AGBL4: variants seen among roughly 807,000 people sequenced by gnomAD.
AGBL4 encodes AGBL carboxypeptidase 4.
AGBL4 carries 58 observed loss-of-function variants against 66.4 expected under a neutral mutation model. That is an observed-to-expected ratio of 0.87 (90% CI 0.71 to 1.09). AGBL4 has a LOEUF of 1.09. AGBL4 is among the 50% of genes least tolerant of loss of function. The pLI, the probability that AGBL4 is intolerant of heterozygous loss-of-function variation, is 0.00. For missense variants in AGBL4, 579 were observed against 631.0 expected, an observed-to-expected ratio of 0.92 and a Z score of 0.88; for synonymous variants, 234 against 222.9, an observed-to-expected ratio of 1.05 and a Z score of -0.44.
chr1:49,564,462 C>G (rs1370345488), intron 3 of AGBL4, among the ~76,000 whole-genome samples: 2 of 152,142 alleles, frequency 1.3e-5, no homozygotes, highest in African/African-American at 4.8e-5. Context: ...AAATTTCCCT[C>G]TACACACTGC....
chr1:49,446,896 C>T (rs1646169934), intron 3 of AGBL4, among the ~76,000 whole-genome samples: 1 of 152,226 alleles, frequency 6.6e-6, no homozygotes, highest in African/African-American at 2.4e-5. Flanking sequence ...GCATGCTGCT[C>T]TCAGGCTCTC....
At chr1:49,530,008 A>T (rs1420782314) in intron 3 of AGBL4, among the ~76,000 whole-genome samples, 1 of 151,900 alleles carries the variant, frequency 6.6e-6, no homozygotes, top group Non-Finnish European at 1.5e-5. Context: ...CTTGTGTCAC[A>T]ATACTTGGCA....
chr1:49,125,000 T>C (rs540439990), intron 4 of AGBL4, among the ~76,000 whole-genome samples: 3 of 152,176 alleles, frequency 2.0e-5, no homozygotes, highest in Non-Finnish European at 4.4e-5. Flanking sequence ...TCTCAGTCAG[T>C]TGGTGACTTT....
At chr1:49,847,195 T>C (rs918763459) in intron 2 of AGBL4, among the ~76,000 whole-genome samples, 65 of 152,294 alleles carry the variant, frequency 4.3e-4, no homozygotes, top group African/African-American at 1.5e-3. Context: ...ACTGGTAATA[T>C]TGGATTGCCA....
intron 4 of AGBL4, among the ~76,000 whole-genome samples, chr1:49,107,333 G>A (rs542352731): frequency 1.3e-5 from 2 of 152,232 alleles, no homozygotes; most frequent in Admixed American, 6.5e-5. Flanking sequence ...AAGTTATAAT[G>A]TTTGGTAGGT....
intron 4 of AGBL4, among the ~76,000 whole-genome samples, chr1:49,199,903 C>T (rs1197256461): frequency 6.6e-6 from 1 of 152,150 alleles, no homozygotes; most frequent in Non-Finnish European, 1.5e-5. Flanking sequence ...TATTCCCTTG[C>T]TCCTCCTCAG....
chr1:49,772,064 C>G lies in AGBL4; in HGVS notation c.158-74627G>C, dbSNP rs771165752. ...AGATCCCTTCTTCCTTTCTTCCTCTCTAGTTATTTACTTTTGTGGTTTTGT... is the reference window on the plus strand; with the variant it reads ...AGATCCCTTCTTCCTTTCTTCCTCTGTAGTTATTTACTTTTGTGGTTTTGT... On this transcript the variant is annotated intron_variant, in intron 2 of 13. Transcript: ENST00000371839. Among the ~76,000 whole-genome samples, 72 of 152,134 alleles carry G rather than the reference C, an allele frequency of 4.7e-4. 1 individual carries two copies. Among genetic ancestry groups the G allele is most frequent in the Non-Finnish European group, 2.2e-4 (15 of 67,924 alleles).
At chr1:48,554,763 T>C (rs1050850625) in intron 11 of AGBL4, among the ~76,000 whole-genome samples, 1 of 152,184 alleles carries the variant, frequency 6.6e-6, no homozygotes. Flanking sequence ...CCTTGTGTTA[T>C]AGGTTAGAAA....
At chr1:48,634,414 T>A in intron 9 of AGBL4, 79 bp downstream of exon 9, 2 of 1,213,662 alleles carry the variant, frequency 1.6e-6, no homozygotes, top group Non-Finnish European at 2.3e-6. Context: ...CAGCTTCTAG[T>A]GGACTTTCCC....
intron 4 of AGBL4, among the ~76,000 whole-genome samples, chr1:49,195,836 A>G (rs1391301148): frequency 6.6e-6 from 1 of 152,104 alleles, no homozygotes; most frequent in Non-Finnish European, 1.5e-5. Context: ...CTTGAATTGT[A>G]ATCTCCACGA....
chr1:48,980,688 T>C (rs1459374815), intron 5 of AGBL4, among the ~76,000 whole-genome samples: 1 of 130,292 alleles, frequency 7.7e-6, no homozygotes, highest in Non-Finnish European at 1.6e-5. Flanking sequence ...TAGGTGGTGA[T>C]TGGAATTAGT....
At chr1:48,781,483 A>C (rs1265650937) in intron 6 of AGBL4, among the ~76,000 whole-genome samples, 1 of 152,252 alleles carries the variant, frequency 6.6e-6, no homozygotes, top group Non-Finnish European at 1.5e-5. Context: ...CACATACCAG[A>C]TACTCAAGAT....
chr1:49,088,054 C>A (rs995117284), intron 4 of AGBL4, among the ~76,000 whole-genome samples: 1 of 152,122 alleles, frequency 6.6e-6, no homozygotes, highest in African/African-American at 2.4e-5. Flanking sequence ...GATTACCATC[C>A]AATTTGCCTT....
chr1:49,885,978 G>T (rs934522271), intron 1 of AGBL4, among the ~76,000 whole-genome samples: 7 of 152,088 alleles, frequency 4.6e-5, no homozygotes, highest in Admixed American at 2.6e-4. Context: ...GATGATCTTG[G>T]ACTTCTCTAT....
At chr1:49,325,851 T>C (rs1645219376) in intron 3 of AGBL4, among the ~76,000 whole-genome samples, 1 of 152,158 alleles carries the variant, frequency 6.6e-6, no homozygotes, top group Non-Finnish European at 1.5e-5. Context: ...GATCCGATCA[T>C]TTAAAAGCAT....
chr1:49,367,705 G>A (rs865869489), intron 3 of AGBL4, among the ~76,000 whole-genome samples: 9 of 152,002 alleles, frequency 5.9e-5, no homozygotes, highest in Admixed American at 2.0e-4. Flanking sequence ...TTCTTACGAC[G>A]GAGGAAGAAA....
At chr1:49,833,890 T>G (rs1645771770) in intron 2 of AGBL4, among the ~76,000 whole-genome samples, 1 of 152,204 alleles carries the variant, frequency 6.6e-6, no homozygotes, top group Admixed American at 6.5e-5. Context: ...AAGGAGATTT[T>G]GGGCTGAGAC....
At chr1:48,756,002 G>C (rs1481120445) in intron 6 of AGBL4, among the ~76,000 whole-genome samples, 1 of 152,158 alleles carries the variant, frequency 6.6e-6, no homozygotes, top group Non-Finnish European at 1.5e-5. Context: ...GGGGGTGCCC[G>C]AGTTAAAAGC....
chr1:50,008,957 A>G (rs2148432576), intron 1 of AGBL4, among the ~76,000 whole-genome samples: 1 of 152,326 alleles, frequency 6.6e-6, no homozygotes. Context: ...CCATAAAAAA[A>G]TCCAAAACCA....
Sources: gnomAD v4.1 joint callset for allele counts (sites outside exome capture counted in the v4.1 genomes callset) on GRCh38, gnomAD v4.1.1 for gene constraint, MANE v1.5 for transcripts, NCBI Gene and HGNC (gene_info 2026-07-23, HGNC 2026-07-21) for gene names.